KIAA1217: variants seen among roughly 807,000 people sequenced by gnomAD.
KIAA1217 encodes sickle tail protein homolog.
In KIAA1217, 88 loss-of-function variants were observed where a neutral mutation model predicts 163.9. The ratio of observed to expected loss-of-function variants is 0.54; its 90% confidence interval spans 0.45 to 0.64. KIAA1217 has a LOEUF of 0.64. Ranked by LOEUF, KIAA1217 falls within the 30% of genes least tolerant of loss-of-function variation. The pLI, the probability that KIAA1217 is intolerant of heterozygous loss-of-function variation, is 0.00. For missense variants in KIAA1217, 2,372 were observed against 2,475.0 expected (o/e 0.96, Z 0.88); for synonymous variants, 903 against 923.1 (o/e 0.98, Z 0.39).
intron 10 of KIAA1217, among the ~76,000 whole-genome samples, chr10:24,517,086 G>A (rs2070298038): frequency 1.3e-5 from 2 of 151,940 alleles, no homozygotes; most frequent in Admixed American, 1.3e-4. Flanking sequence ...AGGAAGCTGA[G>A]GTAGGAGCAT....
At chr10:24,053,247 T>C (rs1189091074) in intron 2 of KIAA1217, among the ~76,000 whole-genome samples, 1 of 152,166 alleles carries the variant, frequency 6.6e-6, no homozygotes, top group Non-Finnish European at 1.5e-5. Context: ...ATTGGTTAAA[T>C]ATATCTCTCA....
At chr10:23,828,489 G>A (rs1439199983) in intron 1 of KIAA1217, among the ~76,000 whole-genome samples, 1 of 152,158 alleles carries the variant, frequency 6.6e-6, no homozygotes, top group Admixed American at 6.6e-5. Flanking sequence ...GTGAATGCCA[G>A]GCTATCAACA....
At chr10:23,930,207 A>G (rs749701777) in intron 1 of KIAA1217, among the ~76,000 whole-genome samples, 3 of 151,832 alleles carry the variant, frequency 2.0e-5, no homozygotes. Context: ...GTGTTTGTTC[A>G]TATCCTTCAC....
In KIAA1217 at chr10:24,092,674, T is replaced by A. The variant is rs139727479; in HGVS notation, c.-171+85300T>A. Among the ~76,000 whole-genome samples, 11 of 151,646 alleles carry A rather than the reference T, an allele frequency of 7.3e-5. No homozygotes were observed. In the East Asian group the frequency reaches 2.1e-3, roughly 29 times the overall value. On this transcript the variant is annotated intron_variant, in intron 2 of 18. Coordinates refer to the KIAA1217 transcript ENST00000376462. Reference sequence around the variant, plus strand: ...GCTCAAAAAACTATGTACCATATGATTTCACTGATAACGTTATGAAAAAAA... The same window carrying A: ...GCTCAAAAAACTATGTACCATATGAATTCACTGATAACGTTATGAAAAAAA...
intron 1 of KIAA1217, among the ~76,000 whole-genome samples, chr10:23,825,442 A>T (rs1837854982): frequency 6.6e-6 from 1 of 152,224 alleles, no homozygotes. Flanking sequence ...ATCTATATTG[A>T]TGAACATATA....
At chr10:23,998,537 G>T (rs1846604939) in intron 1 of KIAA1217, among the ~76,000 whole-genome samples, 1 of 152,244 alleles carries the variant, frequency 6.6e-6, no homozygotes, top group African/African-American at 2.4e-5. Flanking sequence ...AGGCACAGGG[G>T]CCAACAGCCA....
chr10:24,543,724 A>T lies in KIAA1217; in HGVS notation c.4454A>T (p.Glu1485Val), dbSNP rs758277776. 4 of 1,614,042 alleles carry T rather than the reference A, an allele frequency of 2.5e-6. No individual in the cohort carries two copies. In the South Asian group the frequency reaches 4.4e-5, roughly 18 times the overall value. ...MMEEKIEEEE[E>V]EENGDSVVQN... is the part of the protein sequence containing the mutation. Reference sequence around the variant, plus strand: ...GAGGAAAAGATAGAGGAGGAGGAAGAGGAGGAAAATGGGGATTCTGTAGTC... The same window carrying T: ...GAGGAAAAGATAGAGGAGGAGGAAGTGGAGGAAAATGGGGATTCTGTAGTC... Residue 1485 changes from glutamate (E) to valine (V), a missense_variant, in exon 19 of 21, where the codon GAG becomes GTG. Around this residue, in one of 3 missense-constraint regions of KIAA1217, gnomAD observed 690 missense variants for 677.5 expected, o/e 1.02. Transcript: ENST00000376454.
intron 10 of KIAA1217, 118 bp from the exon 11 acceptor site, chr10:24,520,005 A>AG (rs150681499): frequency 0.068 from 77,939 of 1,147,976 alleles, 3,064 homozygotes; most frequent in Middle Eastern, 0.1. Context: ...CACGAAAGGC[A>AG]GGGGGGAGGA....
intron 3 of KIAA1217, among the ~76,000 whole-genome samples, chr10:24,383,004 C>T (rs987979848): frequency 1.3e-5 from 2 of 151,858 alleles, no homozygotes; most frequent in South Asian, 2.1e-4. Context: ...CGCACCCAGG[C>T]GCCTGGCTAA....
chr10:23,824,493 TG>T (rs1368574010), intron 1 of KIAA1217, among the ~76,000 whole-genome samples: 1 of 147,878 alleles, frequency 6.8e-6, no homozygotes. Flanking sequence ...CTCAGCATGG[TG>T]ACATGGGCCT....
chr10:24,222,005 G>A (rs1461570916), intron 2 of KIAA1217, among the ~76,000 whole-genome samples: 3 of 152,170 alleles, frequency 2.0e-5, no homozygotes, highest in Admixed American at 2.0e-4. Context: ...CAATTTTGCT[G>A]AGAAATATAG....
At position 24,110,448 on chromosome 10, in the gene KIAA1217, T is replaced by G. The variant is rs148737408; in HGVS notation, c.-171+103074T>G. Among the ~76,000 whole-genome samples, 8 of 152,320 alleles carry G rather than the reference T, an allele frequency of 5.3e-5. No homozygotes were observed. The East Asian group carries it at 1.3e-3, about 26-fold the overall frequency. The stretch of plus-strand genomic sequence containing the variant: ...ATTAAACAACAAAAACATACAAATT[T>G]AAAGTATTTGGCATCCCTTGAGTGG... On this transcript the variant is annotated intron_variant, in intron 2 of 18. Coordinates refer to the KIAA1217 transcript ENST00000376462.
rs563869599 is a variant in KIAA1217 at position 24,088,800 on chromosome 10, G to A, written c.-171+81426G>A. Among the ~76,000 whole-genome samples, 3 of 124,156 alleles carry A rather than the reference G, an allele frequency of 2.4e-5. 1 individual carries two copies. The highest frequency in any genetic ancestry group is 6.0e-5 in the Non-Finnish European group (3 of 50,318). The allele number at this position is 124,156 out of a possible 152,430, so 81.5% of individuals were successfully genotyped here. ...AGCAGCATGATTTATAAGCCTTTGG[G>A]TATATATCCAGTAATGGGATGGCTG... is the stretch of plus-strand genomic sequence containing the variant. On this transcript the variant is annotated intron_variant, in intron 2 of 18. Transcript: ENST00000376462.
At chr10:24,232,935 CAAAAAAAAAAAAAAAA>C (rs908492411) in intron 2 of KIAA1217, among the ~76,000 whole-genome samples, 1 of 56,308 alleles carries the variant, frequency 1.8e-5, no homozygotes, top group South Asian at 1.0e-3. Flanking sequence ...CTTATCTCTA[CAAAAAAAAAAAAAAAA>C]AAAAAAAAAA....
chr10:24,284,461 A>G (rs2078323585), intron 2 of KIAA1217, among the ~76,000 whole-genome samples: 1 of 152,142 alleles, frequency 6.6e-6, no homozygotes, highest in Non-Finnish European at 1.5e-5. Context: ...TCCTACTTAC[A>G]AGTAAGAACA....
chr10:23,731,112 G>T (rs11013672), intron 1 of KIAA1217, among the ~76,000 whole-genome samples: 33,619 of 151,754 alleles, frequency 0.22, 4,000 homozygotes, highest in African/African-American at 0.3. Context: ...TTTTTTTTCA[G>T]AAGGGTTTGC....
At chr10:24,361,041 G>A (rs1219021929) in intron 2 of KIAA1217, among the ~76,000 whole-genome samples, 1 of 151,894 alleles carries the variant, frequency 6.6e-6, no homozygotes. Context: ...ACTAAGAGTA[G>A]GAGAATTATT....
At chr10:23,743,399 C>CA (rs1839225901) in intron 1 of KIAA1217, among the ~76,000 whole-genome samples, 1 of 152,110 alleles carries the variant, frequency 6.6e-6, no homozygotes, top group South Asian at 2.1e-4. Context: ...ACCTGAGGGA[C>CA]AAAAAAATTC....
intron 2 of KIAA1217, among the ~76,000 whole-genome samples, chr10:24,201,523 G>A (rs2067253291): frequency 6.6e-6 from 1 of 152,140 alleles, no homozygotes; most frequent in Non-Finnish European, 1.5e-5. Context: ...ATGCACTTCG[G>A]CTTAGGGCAG....
Sources: gnomAD v4.1 joint callset for allele counts (sites outside exome capture counted in the v4.1 genomes callset) on GRCh38, gnomAD v4.1.1 for gene constraint, gnomAD v4.1.1 regional missense constraint, MANE v1.5 for transcripts, NCBI Gene and HGNC (gene_info 2026-07-23, HGNC 2026-07-21) for gene names.